Variants in CPN1 observed in about 807,000 individuals in gnomAD.
CPN1 encodes carboxypeptidase N subunit 1, also known as carboxypeptidase N catalytic chain.
A neutral mutation model predicts 46.4 loss-of-function variants in CPN1; 37 were observed. The ratio of observed to expected loss-of-function variants is 0.80; its 90% CI spans 0.61 to 1.05. The LOEUF is 1.05. CPN1 is among the 50% of genes least tolerant of loss of function. CPN1 has a pLI of 0.00. For synonymous variants in CPN1, 224 were observed against 235.4 expected, an observed-to-expected ratio of 0.95 and a Z score of 0.44; for missense variants, 563 against 602.6, an observed-to-expected ratio of 0.93 and a Z score of 0.69.
intron 8 of CPN1, among the ~76,000 whole-genome samples, chr10:100,048,193 C>A (rs906519310): frequency 6.6e-6 from 1 of 152,006 alleles, no homozygotes; most frequent in Non-Finnish European, 1.5e-5. Context: ...GTAATTTGTC[C>A]AAGGTCTGTG....
At chr10:100,076,170 G>A in intron 1 of CPN1, 63 bp from the exon 2 acceptor site, 1 of 1,516,660 alleles carries the variant, frequency 6.6e-7, no homozygotes, top group South Asian at 1.1e-5. Flanking sequence ...CCTTGCAGAA[G>A]GACCTTTTTT....
intron 3 of CPN1, among the ~76,000 whole-genome samples, chr10:100,067,133 G>C (rs2041458766): frequency 2.0e-5 from 3 of 152,098 alleles, no homozygotes; most frequent in Admixed American, 2.0e-4. Context: ...TTTTGGTTTT[G>C]GTTTTTTTGT....
chr10:100,051,001 GGCGA>G, intron 7 of CPN1, among the ~76,000 whole-genome samples: 1 of 152,096 alleles, frequency 6.6e-6, no homozygotes, highest in Non-Finnish European at 1.5e-5. Context: ...CTCCAGCCTG[GGCGA>G]CAGAGCGAGA....
chr10:100,076,118 G>A lies in CPN1; in HGVS notation c.224-11C>T, dbSNP rs780989150. 1 of 1,614,124 alleles carries A rather than the reference G, an allele frequency of 6.2e-7. No homozygotes were observed. Among genetic ancestry groups the A allele is most frequent in the South Asian group, 1.1e-5 (1 of 91,076 alleles). ...TGACCTCTGGTTCCACTGCAAGGAA[G>A]AGAAAAGATGGGGGAAGCTTGGAAG... On this transcript the variant is annotated splice_polypyrimidine_tract_variant and intron_variant, in intron 1 of 8. Coordinates refer to ENST00000370418, the MANE Select transcript of CPN1 (RefSeq NM_001308.3).
At chr10:100,065,055 G>T in intron 4 of CPN1, 133 bp downstream of exon 4, 1 of 1,041,478 alleles carries the variant, frequency 9.6e-7, no homozygotes, top group Non-Finnish European at 1.4e-6. Flanking sequence ...TAGACTGTAA[G>T]CTCCTCACAA....
At chr10:100,059,410 C>T (rs2041404381) in intron 5 of CPN1, among the ~76,000 whole-genome samples, 1 of 151,518 alleles carries the variant, frequency 6.6e-6, no homozygotes, top group Non-Finnish European at 1.5e-5. Context: ...ATAACAACAA[C>T]AACAAAACCC....
intron 3 of CPN1, among the ~76,000 whole-genome samples, chr10:100,066,874 T>A (rs1260669383): frequency 6.6e-6 from 1 of 152,204 alleles, no homozygotes; most frequent in African/African-American, 2.4e-5. Context: ...CTGGGGCAGT[T>A]CTGTCTTTGT....
chr10:100,080,982 G>A (rs1032993259), intron 1 of CPN1, among the ~76,000 whole-genome samples: 4 of 152,276 alleles, frequency 2.6e-5, no homozygotes, highest in East Asian at 3.9e-4. Flanking sequence ...GTCACTCCCC[G>A]AAGAGATTCC....
At position 100,054,276 on chromosome 10, in the gene CPN1, GC is replaced by G. The variant is rs150478398; in HGVS notation, c.1111+70del. The G allele has an allele frequency of 2.5e-5, 30 of 1,216,648 alleles. No individual in the cohort carries two copies. In the African/African-American group the frequency reaches 4.0e-4, roughly 16 times the overall value. The allele number at this position is 1,216,648 out of a possible 1,614,324, so 75.4% of individuals were successfully genotyped here. ...GCTGGTTTCACTAGCTTACAAACTGGCCCCTTGATTATGCTGAAGAAGATGC... is the reference window on the plus strand; with the variant it reads ...GCTGGTTTCACTAGCTTACAAACTGGCCCTTGATTATGCTGAAGAAGATGC... On this transcript the variant is annotated intron_variant, in intron 7 of 8. Coordinates refer to ENST00000370418, the MANE Select transcript of CPN1 (RefSeq NM_001308.3).
At chr10:100,042,792 A>G in intron 8 of CPN1, among the ~76,000 whole-genome samples, 1 of 152,004 alleles carries the variant, frequency 6.6e-6, no homozygotes, top group East Asian at 1.9e-4. Context: ...CATTGATTTT[A>G]CATGTATTAG....
intron 1 of CPN1, among the ~76,000 whole-genome samples, chr10:100,077,063 A>G (rs1468366675): frequency 6.6e-6 from 1 of 151,938 alleles, no homozygotes; most frequent in African/African-American, 2.4e-5. Context: ...CTTACACCCA[A>G]TACTTTCCTG....
chr10:100,076,286 A>C (rs973560047), intron 1 of CPN1, among the ~76,000 whole-genome samples, 179 bp from the exon 2 acceptor site: 1 of 152,214 alleles, frequency 6.6e-6, no homozygotes, highest in Non-Finnish European at 1.5e-5. Flanking sequence ...ACCTACAAAA[A>C]TTCATGCCAG....
chr10:100,046,753 C>A (rs2041314977), intron 8 of CPN1, among the ~76,000 whole-genome samples: 1 of 148,866 alleles, frequency 6.7e-6, no homozygotes, highest in Non-Finnish European at 1.5e-5. Context: ...GCCAGGGCAA[C>A]AGAGCAAGAC....
chr10:100,048,936 G>T, intron 7 of CPN1, 60 bp from the exon 8 acceptor site: 1 of 1,367,418 alleles, frequency 7.3e-7, no homozygotes, highest in Non-Finnish European at 1.0e-6. Flanking sequence ...AAATAAGCTA[G>T]GGTTTTTATC....
intron 3 of CPN1, among the ~76,000 whole-genome samples, chr10:100,066,761 C>T (rs955049691): frequency 6.6e-6 from 1 of 152,190 alleles, no homozygotes; most frequent in Non-Finnish European, 1.5e-5. Context: ...CAGGCTCCAT[C>T]TTTTCCATCC....
intron 2 of CPN1, among the ~76,000 whole-genome samples, chr10:100,070,159 C>A (rs1234934105): frequency 6.6e-6 from 1 of 151,674 alleles, no homozygotes; most frequent in East Asian, 2.0e-4. Flanking sequence ...AACTCCTGGG[C>A]TCAAGTGATC....
intron 7 of CPN1, among the ~76,000 whole-genome samples, chr10:100,052,616 A>G (rs1275004163): frequency 6.6e-6 from 1 of 152,210 alleles, no homozygotes; most frequent in Admixed American, 6.5e-5. Context: ...CTGGAATCCC[A>G]GCACTTTGGG....
intron 2 of CPN1, among the ~76,000 whole-genome samples, chr10:100,073,610 C>CTTTT (rs748410671): frequency 9.0e-5 from 11 of 122,446 alleles, no homozygotes; most frequent in African/African-American, 1.6e-4. Flanking sequence ...GCTCTTCCAT[C>CTTTT]TTTTTTTTTT....
chr10:100,072,442 T>A (rs2041491351), intron 2 of CPN1, among the ~76,000 whole-genome samples: 2 of 152,196 alleles, frequency 1.3e-5, no homozygotes, highest in African/African-American at 4.8e-5. Flanking sequence ...GTGCTGGGAT[T>A]AACAGACGTG....
Sources: gnomAD v4.1 joint callset for allele counts (sites outside exome capture counted in the v4.1 genomes callset) on GRCh38, gnomAD v4.1.1 for gene constraint, MANE v1.5 for transcripts, NCBI Gene and HGNC (gene_info 2026-07-23, HGNC 2026-07-21) for gene names.